Variants in POC1A observed in about 807,000 individuals in gnomAD.
POC1A encodes POC1 centriolar protein A, also known as POC1 centriolar protein homolog A.
POC1A carries 34 observed loss-of-function variants against 47.8 expected under a neutral mutation model. That is an observed-to-expected ratio of 0.71 (90% CI 0.54 to 0.95). POC1A has a LOEUF of 0.95. Among genes scored for constraint, POC1A ranks in the 40% least tolerant of loss-of-function variants. POC1A has a pLI of 0.00. For missense variants in POC1A, 466 were observed against 528.3 expected, an observed-to-expected ratio of 0.88 and a Z score of 1.16; for synonymous variants, 177 against 207.6, an observed-to-expected ratio of 0.85 and a Z score of 1.27.
chr3:52,111,940 T>G (rs1311624953), intron 9 of POC1A, among the ~76,000 whole-genome samples: 1 of 152,120 alleles, frequency 6.6e-6, no homozygotes, highest in Non-Finnish European at 1.5e-5. Context: ...GTGACTGGAC[T>G]AATGGCAGGA....
At position 52,138,928 on chromosome 3, in the gene POC1A, G is replaced by T. The variant is rs544161577; in HGVS notation, c.680-626C>A. Among the ~76,000 whole-genome samples, 10 of 152,258 alleles carry T rather than the reference G, an allele frequency of 6.6e-5. No individual in the cohort carries two copies. In the South Asian group the frequency reaches 1.2e-3, roughly 19 times the overall value. On this transcript the variant is annotated intron_variant, in intron 6 of 10. Transcript: ENST00000296484. ...AGCTCACTGCAGCCTCCGTCTCCTG[G>T]GTTCAAGAGATTCTCCTGCCTCAGC...
chr3:52,151,424 CTATT>C (rs1312363127), intron 1 of POC1A, among the ~76,000 whole-genome samples: 1 of 151,858 alleles, frequency 6.6e-6, no homozygotes, highest in Non-Finnish European at 1.5e-5. Context: ...AAAAATAAAA[CTATT>C]TATGATACAT....
chr3:52,080,179 C>T (rs1381815633), intron 10 of POC1A, among the ~76,000 whole-genome samples: 1 of 152,206 alleles, frequency 6.6e-6, no homozygotes, highest in East Asian at 1.9e-4. Context: ...CCTAAAGTTA[C>T]ACAGCTTATC....
chr3:52,143,375 T>C (rs922999057), intron 6 of POC1A, among the ~76,000 whole-genome samples: 1 of 151,990 alleles, frequency 6.6e-6, no homozygotes, highest in African/African-American at 2.4e-5. Context: ...CTCTCCCCAG[T>C]ACCCACCGCT....
chr3:52,100,383 T>C (rs1011159703), intron 9 of POC1A, among the ~76,000 whole-genome samples: 6 of 152,236 alleles, frequency 3.9e-5, no homozygotes, highest in African/African-American at 1.4e-4. Context: ...AGCTGCTGCC[T>C]AGGATATATA....
chr3:52,145,821 G>T, intron 6 of POC1A, 25 bp downstream of exon 6: 2 of 1,501,184 alleles, frequency 1.3e-6, no homozygotes, highest in Non-Finnish European at 9.3e-7. Context: ...CTGCCCTTGG[G>T]CCCAGGAGGC....
Position 52,086,952 on chromosome 3 carries a change from G to A in POC1A, c.1125+9617C>T, listed in dbSNP as rs74399921. On this transcript the variant is annotated intron_variant, in intron 10 of 10. Coordinates refer to ENST00000296484, the MANE Select transcript of POC1A (RefSeq NM_015426.5). ...CAAATGCCCTGAGTGCTATGGAAAT[G>A]CAGGGAACACAGGTCCGGTGCCTGC... Among the ~76,000 whole-genome samples, 1,214 of 152,358 alleles carry A rather than the reference G, an allele frequency of 8.0e-3. 8 individuals are homozygous for A. The highest frequency in any genetic ancestry group is 0.031 in the South Asian group (149 of 4,830).
intron 10 of POC1A, among the ~76,000 whole-genome samples, chr3:52,083,234 G>C (rs1275117866): frequency 1.3e-5 from 2 of 152,178 alleles, no homozygotes; most frequent in Non-Finnish European, 2.9e-5. Context: ...TGGCTCTGCA[G>C]AGGTACAGGA....
intron 10 of POC1A, among the ~76,000 whole-genome samples, chr3:52,092,327 A>T (rs1443529805): frequency 6.6e-6 from 1 of 152,206 alleles, no homozygotes; most frequent in Non-Finnish European, 1.5e-5. Flanking sequence ...TTTGGTTTGC[A>T]GAATTTCTTG....
intron 9 of POC1A, 100 bp downstream of exon 9, chr3:52,122,279 C>T: frequency 1.4e-6 from 1 of 701,846 alleles, no homozygotes; most frequent in South Asian, 1.6e-5. Flanking sequence ...CCGAGACAGG[C>T]CTAAACCTCC....
At chr3:52,118,337 A>C (rs1335085187) in intron 9 of POC1A, among the ~76,000 whole-genome samples, 2 of 152,226 alleles carry the variant, frequency 1.3e-5, no homozygotes, top group Non-Finnish European at 2.9e-5. Context: ...GAATAGAGGG[A>C]AAATGGAACC....
chr3:52,116,304 G>A (rs1703563125), intron 9 of POC1A, among the ~76,000 whole-genome samples: 1 of 152,216 alleles, frequency 6.6e-6, no homozygotes, highest in Non-Finnish European at 1.5e-5. Flanking sequence ...ACAGGAGGTG[G>A]CTGGTGCTTT....
At chr3:52,121,937 A>G (rs1577875563) in intron 9 of POC1A, among the ~76,000 whole-genome samples, 1 of 151,614 alleles carries the variant, frequency 6.6e-6, no homozygotes, top group African/African-American at 2.4e-5. Flanking sequence ...CCATGGTTAG[A>G]AAAAAAAAGG....
intron 9 of POC1A, among the ~76,000 whole-genome samples, chr3:52,100,958 G>C (rs1702980398): frequency 6.6e-6 from 1 of 151,992 alleles, no homozygotes; most frequent in South Asian, 2.1e-4. Flanking sequence ...CCTGAGCTGA[G>C]ATTATCAAGG....
intron 9 of POC1A, among the ~76,000 whole-genome samples, chr3:52,117,934 T>G (rs1703628468): frequency 6.6e-6 from 1 of 152,178 alleles, no homozygotes; most frequent in African/African-American, 2.4e-5. Context: ...AAATTCAAGA[T>G]CAGCCAAGAT....
chr3:52,090,776 G>A lies in POC1A; in HGVS notation c.1125+5793C>T, dbSNP rs538999138. Among the ~76,000 whole-genome samples, 50 of 152,158 alleles carry A rather than the reference G, an allele frequency of 3.3e-4. No individual in the cohort carries two copies. Among genetic ancestry groups the A allele is most frequent in the African/African-American group, 1.2e-3 (48 of 41,430 alleles). On this transcript the variant is annotated intron_variant, in intron 10 of 10. Transcript: ENST00000296484. This position sits in a 1 kb window ranked among gnomAD's most constrained non-coding sequence, Gnocchi z 4.2. ...GCCTCTGCTTGCACACCTACTGAGC[G>A]CCCATCCCTGGGCAGGCAGGCCTAG...
chr3:52,090,137 G>A lies in POC1A; in HGVS notation c.1125+6432C>T, dbSNP rs1702597237. ...AGACCCAAACAAGCAGGGCTGGTGG[G>A]CTTGCTCCCTGCCTGCTCCCCACCG... On this transcript the variant is annotated intron_variant, in intron 10 of 10. Transcript: ENST00000296484. The surrounding 1 kb of genome is among the most constrained non-coding windows in gnomAD (Gnocchi z 4.2). Among the ~76,000 whole-genome samples the A allele has an allele frequency of 6.6e-6, 1 of 152,192 alleles. No individual in the cohort carries two copies. The highest frequency in any genetic ancestry group is 6.5e-5 in the Admixed American group (1 of 15,278).
intron 3 of POC1A, 117 bp from the exon 4 acceptor site, chr3:52,149,506 T>C (rs969151801): frequency 4.5e-6 from 4 of 897,294 alleles, no homozygotes; most frequent in Non-Finnish European, 6.9e-6. Flanking sequence ...CAAGCCCGAG[T>C]ACCCCAGTCT....
At chr3:52,078,859 T>C (rs1240657555) in intron 10 of POC1A, among the ~76,000 whole-genome samples, 6 of 152,036 alleles carry the variant, frequency 3.9e-5, no homozygotes, top group Admixed American at 2.6e-4. Flanking sequence ...AAGGAAGGGG[T>C]TCCCCCATGA....
Sources: gnomAD v4.1 joint callset for allele counts (sites outside exome capture counted in the v4.1 genomes callset) on GRCh38, gnomAD v4.1.1 for gene constraint, Gnocchi (gnomAD v3.1) non-coding constraint, MANE v1.5 for transcripts, NCBI Gene and HGNC (gene_info 2026-07-23, HGNC 2026-07-21) for gene names.